Variants in MYO1D observed in about 807,000 individuals in gnomAD.
MYO1D encodes myosin ID.
MYO1D carries 83 observed loss-of-function variants against 122.0 expected under a neutral mutation model. The observed-to-expected ratio is 0.68, with a 90% CI of 0.57 to 0.82. The LOEUF (loss-of-function observed/expected upper bound fraction) is 0.82, where lower values mean the gene tolerates loss of function less well. MYO1D is among the 40% of genes least tolerant of loss of function. The pLI is 0.00. For missense variants in MYO1D, 1,157 were observed against 1,269.5 expected (o/e 0.91, Z 1.35); for synonymous variants, 464 against 446.9 (o/e 1.04, Z -0.48).
chr17:32,759,789 T>C (rs1049711543), intron 10 of MYO1D: 15 of 289,734 alleles, frequency 5.2e-5, no homozygotes, highest in South Asian at 3.2e-4. Context: ...GAGGTGATAA[T>C]TGAAGTGTAA....
intron 20 of MYO1D, among the ~76,000 whole-genome samples, chr17:32,629,674 T>C (rs1479504216): frequency 6.7e-6 from 1 of 150,146 alleles, no homozygotes; most frequent in East Asian, 1.9e-4. Context: ...GAGGTTGCAC[T>C]GAGCCAAAAT....
chr17:32,604,912 T>C (rs894220423), intron 21 of MYO1D, among the ~76,000 whole-genome samples, 175 bp downstream of exon 21: 1 of 152,252 alleles, frequency 6.6e-6, no homozygotes, highest in African/African-American at 2.4e-5. Flanking sequence ...ATTCCTAACC[T>C]TGAAAGTAAG....
chr17:32,712,258 A>G, intron 15 of MYO1D, 63 bp from the exon 16 acceptor site: 2 of 1,422,730 alleles, frequency 1.4e-6, no homozygotes, highest in Non-Finnish European at 2.0e-6. Flanking sequence ...ATAGAAAACT[A>G]TTCAATAAAA....
intron 20 of MYO1D, among the ~76,000 whole-genome samples, chr17:32,608,130 G>T (rs1476779741): frequency 6.6e-6 from 1 of 152,142 alleles, no homozygotes; most frequent in Non-Finnish European, 1.5e-5. Context: ...CAAAAAAATT[G>T]ATAAATTGAA....
At position 32,840,538 on chromosome 17, in the gene MYO1D, G is replaced by A. The variant is rs190364742; in HGVS notation, c.95+36240C>T. Among the ~76,000 whole-genome samples the A allele has an allele frequency of 1.3e-4, 20 of 152,286 alleles. No homozygotes were observed. The East Asian group carries it at 3.7e-3, about 28-fold the overall frequency. ...TAAAAAAGGTTAGGAATCACTGCTT[G>A]TAAAGAACTAAGGAAATGTTTTTGC... On this transcript the variant is annotated intron_variant, in intron 1 of 21. Coordinates refer to ENST00000318217, the MANE Select transcript of MYO1D (RefSeq NM_015194.3).
chr17:32,827,761 G>C (rs958028325), intron 1 of MYO1D, among the ~76,000 whole-genome samples: 2 of 152,142 alleles, frequency 1.3e-5, no homozygotes, highest in Non-Finnish European at 2.9e-5. Flanking sequence ...CAGATGGTCA[G>C]TGACTATGTA....
At chr17:32,857,080 T>C (rs556998489) in intron 1 of MYO1D, among the ~76,000 whole-genome samples, 4 of 152,338 alleles carry the variant, frequency 2.6e-5, no homozygotes, top group Non-Finnish European at 4.4e-5. Context: ...AAAGCCATCT[T>C]CTTTCTCTGT....
chr17:32,598,305 C>T (rs553979812), intron 21 of MYO1D, among the ~76,000 whole-genome samples: 6 of 151,294 alleles, frequency 4.0e-5, no homozygotes, highest in African/African-American at 1.2e-4. Flanking sequence ...ATACATGAAG[C>T]GGAGGTTGCA....
rs893186756 is a variant in MYO1D, at chr17:32,664,683, T to C, written c.2122-5345A>G. Among the ~76,000 whole-genome samples the C allele has an allele frequency of 2.6e-5, 4 of 152,064 alleles. No homozygotes were observed. In the East Asian group the frequency reaches 5.8e-4, roughly 22 times the overall value. On this transcript the variant is annotated intron_variant, in intron 16 of 21. Transcript: ENST00000318217. ...TGACAGAGGAGCAAGCAAGGGACCA[T>C]TTCTCAGAAAAGAGGACAGCGGCAA...
intron 21 of MYO1D, among the ~76,000 whole-genome samples, chr17:32,527,290 C>T (rs893037953): frequency 1.3e-5 from 2 of 152,228 alleles, no homozygotes; most frequent in African/African-American, 4.8e-5. Flanking sequence ...CAAACCCACC[C>T]TGCATGCTGG....
rs943375100 is a variant in MYO1D at position 32,494,615 on chromosome 17, G to A, written c.*144C>T. The A allele has an allele frequency of 2.0e-6, 2 of 996,944 alleles. No homozygotes were observed. The highest frequency in any genetic ancestry group is 2.9e-5 in the Admixed American group (1 of 34,664). The allele number at this position is 996,944 out of a possible 1,614,324, so 61.8% of individuals were successfully genotyped here. On this transcript the variant is annotated 3_prime_UTR_variant, in exon 22 of 22. Transcript: ENST00000318217. ...AGATGATACCAAAGGCAGAAAACCA[G>A]GAAGGAAATCTTACAGGGGCGGGGC...
chr17:32,735,829 C>T (rs997209498), intron 14 of MYO1D, among the ~76,000 whole-genome samples: 2 of 151,880 alleles, frequency 1.3e-5, no homozygotes, highest in African/African-American at 4.8e-5. Flanking sequence ...TTCTTAAATT[C>T]TATGTTCTTT....
At chr17:32,872,325 G>A (rs1210855232) in intron 1 of MYO1D, among the ~76,000 whole-genome samples, 1 of 150,680 alleles carries the variant, frequency 6.6e-6, no homozygotes, top group Non-Finnish European at 1.5e-5. Context: ...CAGGCTGGAG[G>A]GCAATGGCGC....
rs533941945 is a variant in MYO1D at position 32,859,308 on chromosome 17, A to T, written c.95+17470T>A. Reference sequence around the variant, plus strand: ...GAAACCTGACTCCATTATCCTCAACATATTTACTTGTTTGTCAATCTCCCT... The same window carrying T: ...GAAACCTGACTCCATTATCCTCAACTTATTTACTTGTTTGTCAATCTCCCT... On this transcript the variant is annotated intron_variant, in intron 1 of 21. Coordinates refer to ENST00000318217, the MANE Select transcript of MYO1D (RefSeq NM_015194.3). Among the ~76,000 whole-genome samples the T allele has an allele frequency of 9.2e-5, 14 of 152,210 alleles. No individual in the cohort carries two copies. The South Asian group carries it at 2.9e-3, about 32-fold the overall frequency.
Position 32,844,018 on chromosome 17 carries a change from T to C in MYO1D, c.95+32760A>G, listed in dbSNP as rs896504829. Among the ~76,000 whole-genome samples, 12 of 151,194 alleles carry C rather than the reference T, an allele frequency of 7.9e-5. No homozygotes were observed. In the South Asian group the frequency reaches 1.5e-3, roughly 18 times the overall value. ...ATATACACATATACACACACACACA[T>C]ATATATACACATACATACACACACA... is the stretch of plus-strand genomic sequence containing the variant. On this transcript the variant is annotated intron_variant, in intron 1 of 21. Transcript: ENST00000318217.
intron 16 of MYO1D, among the ~76,000 whole-genome samples, chr17:32,679,768 TTAAAG>T (rs1489079205): frequency 5.3e-5 from 8 of 151,920 alleles, no homozygotes; most frequent in African/African-American, 1.7e-4. Context: ...CATATGAACT[TTAAAG>T]TAGTTTTTTC....
At chr17:32,795,163 G>A (rs1471088654) in intron 1 of MYO1D, among the ~76,000 whole-genome samples, 1 of 152,152 alleles carries the variant, frequency 6.6e-6, no homozygotes, top group African/African-American at 2.4e-5. Context: ...ATCTGTTTGA[G>A]ACACCTGAGA....
rs979307540 is a variant in MYO1D, at chr17:32,579,368, C to G, written c.2864+25719G>C. 2.0e-5 allele frequency among the ~76,000 whole-genome samples: 3 copies of G among 152,158 alleles called. No homozygotes were observed. In the East Asian group the frequency reaches 5.8e-4, roughly 29 times the overall value. On this transcript the variant is annotated intron_variant, in intron 21 of 21. Coordinates refer to ENST00000318217, the MANE Select transcript of MYO1D (RefSeq NM_015194.3). ...ACAGGCATGGGCAACCACGTCCAGCCCAATGTATTTTCAAATAGTTCCTTT... is the reference window on the plus strand; with the variant it reads ...ACAGGCATGGGCAACCACGTCCAGCGCAATGTATTTTCAAATAGTTCCTTT...
chr17:32,773,050 G>A (rs896581123), intron 4 of MYO1D, among the ~76,000 whole-genome samples: 1 of 152,146 alleles, frequency 6.6e-6, no homozygotes, highest in East Asian at 1.9e-4. Context: ...ACTTGGATCG[G>A]GGGAGCTCCC....
Sources: gnomAD v4.1 joint callset for allele counts (sites outside exome capture counted in the v4.1 genomes callset) on GRCh38, gnomAD v4.1.1 for gene constraint, MANE v1.5 for transcripts, NCBI Gene and HGNC (gene_info 2026-07-23, HGNC 2026-07-21) for gene names.